PLSCR5: variants seen among roughly 807,000 people sequenced by gnomAD.
PLSCR5 encodes the protein phospholipid scramblase family, member 5.
Under a neutral mutation model 33.6 loss-of-function variants are expected in PLSCR5, and 44 were observed. That is an observed-to-expected ratio of 1.31 (90% CI 1.03 to 1.69). The LOEUF (loss-of-function observed/expected upper bound fraction) is 1.69. Among genes scored for constraint, PLSCR5 ranks in the 40% most tolerant of loss-of-function variants. PLSCR5 has a pLI of 0.00. For missense variants in PLSCR5, 375 were observed against 318.7 expected (o/e 1.18, Z -1.34); for synonymous variants, 148 against 112.3 (o/e 1.32, Z -2.01).
chr3:146,595,069 AATT>A lies in PLSCR5; in HGVS notation c.201_203del (p.Ile69del), dbSNP rs1300631744. 2 of 1,433,424 alleles carry A rather than the reference AATT, an allele frequency of 1.4e-6. No individual in the cohort carries two copies. The highest frequency in any genetic ancestry group is 2.9e-5 in the African/African-American group (2 of 69,952). The allele number at this position is 1,433,424 out of a possible 1,614,324, so 88.8% of individuals were successfully genotyped here. A position where few individuals can be genotyped will look rare whatever the true frequency, so the allele number is the denominator to read the frequency against. ...CAAGCAGCTCCACCTGCTGGTGTAT[AATT>A]ATCAGGTCTAACTGTAAAGGATGAC... On this transcript the variant is annotated inframe_deletion, in exon 3 of 8. Coordinates refer to ENST00000443512, the MANE Select transcript of PLSCR5 (RefSeq NM_001085420.2).
At position 146,592,895 on chromosome 3, in the gene PLSCR5, A is replaced by G. The variant is rs140031510; in HGVS notation, c.454-1014T>C. On this transcript the variant is annotated intron_variant, in intron 4 of 7. Coordinates refer to ENST00000443512, the MANE Select transcript of PLSCR5 (RefSeq NM_001085420.2). ...CATAATGACTACACTCTCTTGGGGC[A>G]TATTAATATTAAATATCCTCAGTAG... is the stretch of plus-strand genomic sequence containing the variant. Among the ~76,000 whole-genome samples, 681 of 152,308 alleles carry G rather than the reference A, an allele frequency of 4.5e-3. 8 individuals carry two copies. The highest frequency in any genetic ancestry group is 0.015 in the African/African-American group (629 of 41,580).
At chr3:146,599,446 A>G (rs1396403218) in intron 2 of PLSCR5, among the ~76,000 whole-genome samples, 1 of 151,228 alleles carries the variant, frequency 6.6e-6, no homozygotes, top group African/African-American at 2.4e-5. Flanking sequence ...TCTCTCCTCT[A>G]TACACCTGCA....
At chr3:146,600,902 A>G (rs1025931593) in intron 1 of PLSCR5, among the ~76,000 whole-genome samples, 1 of 148,414 alleles carries the variant, frequency 6.7e-6, no homozygotes, top group African/African-American at 2.4e-5. Flanking sequence ...ATATATAGGT[A>G]TATACATACA....
intron 6 of PLSCR5, 24 bp from the exon 7 acceptor site, chr3:146,586,136 A>G (rs1008325502): frequency 2.5e-5 from 36 of 1,447,830 alleles, no homozygotes; most frequent in Non-Finnish European, 3.2e-5. Context: ...AACTGAATAT[A>G]AGTGAATTTA....
chr3:146,587,848 A>C (rs2044677838), intron 6 of PLSCR5, among the ~76,000 whole-genome samples: 1 of 151,156 alleles, frequency 6.6e-6, no homozygotes, highest in South Asian at 2.1e-4. Flanking sequence ...CCTAATATAC[A>C]TACTTGTATA....
chr3:146,576,848 A>G (rs943489942), intron 7 of PLSCR5: 3 of 152,118 alleles, frequency 2.0e-5, no homozygotes, highest in Non-Finnish European at 4.4e-5. Context: ...AATAAAGTCT[A>G]TATAAGTAAG....
At chr3:146,578,374 T>C (rs1460210567) in intron 7 of PLSCR5, among the ~76,000 whole-genome samples, 1 of 152,170 alleles carries the variant, frequency 6.6e-6, no homozygotes, top group Non-Finnish European at 1.5e-5. Flanking sequence ...TGTTTATATG[T>C]TACCTTTCTA....
intron 5 of PLSCR5, among the ~76,000 whole-genome samples, chr3:146,591,200 T>G (rs896269802): frequency 6.6e-6 from 1 of 151,956 alleles, no homozygotes; most frequent in Non-Finnish European, 1.5e-5. Flanking sequence ...TGTCCTGTGA[T>G]TCTACATAAA....
Position 146,587,131 on chromosome 3 carries a change from T to C in PLSCR5, c.778-1019A>G, listed in dbSNP as rs536554509. On this transcript the variant is annotated intron_variant, in intron 6 of 7. Transcript: ENST00000443512. ...TGCATAGAGGAAGCACCTGGGCATC[T>C]TGTTCAAGTGCAGGTCCTGATGCAT... Among the ~76,000 whole-genome samples the C allele has an allele frequency of 2.2e-4, 34 of 152,302 alleles. No individual in the cohort carries two copies. In the South Asian group the frequency reaches 6.8e-3, roughly 31 times the overall value.
At chr3:146,582,242 A>C, downstream of PLSCR5, among the ~76,000 whole-genome samples, 1 of 152,214 alleles carries the variant, frequency 6.6e-6, no homozygotes, top group Non-Finnish European at 1.5e-5. Flanking sequence ...GGGAACTTGC[A>C]TAGGAGGGCT....
chr3:146,599,684 T>C (rs1260157731), intron 2 of PLSCR5, among the ~76,000 whole-genome samples: 3 of 151,046 alleles, frequency 2.0e-5, no homozygotes, highest in Non-Finnish European at 1.5e-5. Flanking sequence ...CTTTTCTTTT[T>C]TTTTTTTTTT....
downstream of PLSCR5, among the ~76,000 whole-genome samples, chr3:146,581,338 A>G (rs960985656): frequency 1.3e-5 from 2 of 152,190 alleles, no homozygotes; most frequent in African/African-American, 2.4e-5. Context: ...GTGGTTATCT[A>G]TGGTAACCTT....
intron 2 of PLSCR5, among the ~76,000 whole-genome samples, chr3:146,598,937 C>T (rs962250846): frequency 6.6e-6 from 1 of 152,182 alleles, no homozygotes; most frequent in Non-Finnish European, 1.5e-5. Flanking sequence ...GCAGCTTAAA[C>T]CCTATCAGGC....
At chr3:146,578,338 C>T (rs1169827953) in intron 7 of PLSCR5, among the ~76,000 whole-genome samples, 1 of 152,026 alleles carries the variant, frequency 6.6e-6, no homozygotes. Context: ...CACAGATATA[C>T]TATCAGTGGA....
At position 146,586,023 on chromosome 3, in the gene PLSCR5, T is replaced by C. The variant is rs970519773; in HGVS notation, c.*44+7A>G. On this transcript the variant is annotated splice_region_variant and intron_variant, in intron 7 of 7. Transcript: ENST00000443512. ...AAAGAGATCATTTAAACTTGCTTTT[T>C]ACTTACTGAAATATGTTCTGCATAT... 20 of 1,448,702 alleles carry C rather than the reference T, an allele frequency of 1.4e-5. No individual in the cohort carries two copies. The highest frequency in any genetic ancestry group is 1.6e-5 in the Non-Finnish European group (18 of 1,092,840). The allele number at this position is 1,448,702 out of a possible 1,614,324, so 89.7% of individuals were successfully genotyped here.
chr3:146,580,035 T>C (rs1300672637), intron 7 of PLSCR5, among the ~76,000 whole-genome samples: 1 of 152,244 alleles, frequency 6.6e-6, no homozygotes, highest in Non-Finnish European at 1.5e-5. Context: ...ATTCAACTCA[T>C]GCGTTATTTG....
intron 4 of PLSCR5, among the ~76,000 whole-genome samples, chr3:146,592,138 C>T (rs1263775444): frequency 6.6e-6 from 1 of 151,966 alleles, no homozygotes; most frequent in Admixed American, 6.6e-5. Flanking sequence ...AGAATCTACC[C>T]CACGACTATC....
chr3:146,593,535 C>T (rs1329761471), intron 4 of PLSCR5, among the ~76,000 whole-genome samples: 5 of 152,068 alleles, frequency 3.3e-5, no homozygotes, highest in African/African-American at 1.2e-4. Context: ...AAGAGGATAC[C>T]TTAGAGGAGT....
Position 146,605,272 on chromosome 3 carries a change from T to C in PLSCR5, c.-60A>G. 4.4e-6 allele frequency: 7 copies of C among 1,608,750 alleles called. No homozygotes were observed. The highest frequency in any genetic ancestry group is 5.9e-6 in the Non-Finnish European group (7 of 1,177,128). On this transcript the variant is annotated 5_prime_UTR_variant, in exon 1 of 8. Transcript: ENST00000443512. ...GGTTGGAAAACAAAGGCTTTTCTTG[T>C]TGCAGCAAGGAGAGAAAACGCAGCA...
Sources: allele counts gnomAD v4.1 joint callset (sites outside exome capture counted in the v4.1 genomes callset), GRCh38; gene constraint gnomAD v4.1.1; transcripts MANE v1.5; gene names NCBI Gene and HGNC (gene_info 2026-07-23, HGNC 2026-07-21).